The following ZNF804B variants were observed in gnomAD, a reference collection of about 807,000 sequenced individuals.
ZNF804B encodes the protein zinc finger 804B.
Under a neutral mutation model 101.4 loss-of-function variants are expected in ZNF804B, and 80 were observed. That is an observed-to-expected ratio of 0.79 (90% confidence interval 0.66 to 0.95). The LOEUF is 0.95. ZNF804B is among the 40% of genes least tolerant of loss of function. The pLI is 0.00. For missense variants in ZNF804B, 1,673 were observed against 1,561.9 expected, an observed-to-expected ratio of 1.07 and a Z score of -1.20; for synonymous variants, 622 against 558.8, an observed-to-expected ratio of 1.11 and a Z score of -1.59.
intron 1 of ZNF804B, among the ~76,000 whole-genome samples, chr7:89,118,069 T>C (rs1790337898): frequency 6.6e-6 from 1 of 152,150 alleles, no homozygotes; most frequent in Admixed American, 6.6e-5. Context: ...GAACAGCTAA[T>C]CTTAGACCAG....
At chr7:88,908,110 G>C in intron 1 of ZNF804B, among the ~76,000 whole-genome samples, 1 of 151,892 alleles carries the variant, frequency 6.6e-6, no homozygotes, top group East Asian at 1.9e-4. Context: ...AGACGATAAA[G>C]TAATTACAAT....
chr7:89,207,203 C>G (rs891761919), intron 1 of ZNF804B, among the ~76,000 whole-genome samples: 4 of 152,204 alleles, frequency 2.6e-5, no homozygotes, highest in African/African-American at 9.7e-5. Context: ...CTACTAGTAC[C>G]AGTTTACTGT....
At chr7:88,762,850 A>G (rs2115609022) in intron 1 of ZNF804B, among the ~76,000 whole-genome samples, 1 of 152,244 alleles carries the variant, frequency 6.6e-6, no homozygotes, top group Middle Eastern at 3.4e-3. Context: ...GATTTCCAAT[A>G]CTTCAACTTT....
intron 1 of ZNF804B, among the ~76,000 whole-genome samples, chr7:89,063,367 T>C (rs573155891): frequency 6.6e-6 from 1 of 152,276 alleles, no homozygotes; most frequent in South Asian, 2.1e-4. Context: ...GTTTCAAAAA[T>C]GTTCATCTTT....
chr7:89,219,210 T>C (rs1788943766), intron 2 of ZNF804B, among the ~76,000 whole-genome samples: 1 of 152,152 alleles, frequency 6.6e-6, no homozygotes, highest in African/African-American at 2.4e-5. Context: ...AGATTTAGAA[T>C]CCTGGACTAG....
chr7:89,233,853 A>C (rs1199968582), intron 2 of ZNF804B, among the ~76,000 whole-genome samples: 1 of 151,974 alleles, frequency 6.6e-6, no homozygotes. Flanking sequence ...GGTCAGGCTG[A>C]CTTCAGGTGA....
intron 1 of ZNF804B, among the ~76,000 whole-genome samples, chr7:89,002,662 G>T (rs1175941771): frequency 6.6e-6 from 1 of 151,746 alleles, no homozygotes; most frequent in Non-Finnish European, 1.5e-5. Flanking sequence ...AATTTTCACA[G>T]ATTTAAAAGC....
At chr7:88,911,905 T>C (rs1792555851) in intron 1 of ZNF804B, among the ~76,000 whole-genome samples, 1 of 151,910 alleles carries the variant, frequency 6.6e-6, no homozygotes, top group Non-Finnish European at 1.5e-5. Context: ...ATATCTAGTA[T>C]CTTTTAAGTG....
chr7:88,785,581 C>T (rs1156796975), intron 1 of ZNF804B, among the ~76,000 whole-genome samples: 1 of 152,072 alleles, frequency 6.6e-6, no homozygotes, highest in Non-Finnish European at 1.5e-5. Flanking sequence ...AAGATAAGGT[C>T]ATGATACTTC....
At chr7:88,869,323 C>CAGA (rs1334810807) in intron 1 of ZNF804B, among the ~76,000 whole-genome samples, 18 of 152,082 alleles carry the variant, frequency 1.2e-4, no homozygotes, top group African/African-American at 3.6e-4. Context: ...GTATACCTAC[C>CAGA]TTGGGGCCCA....
At chr7:89,080,738 G>A (rs1303109502) in intron 1 of ZNF804B, among the ~76,000 whole-genome samples, 1 of 151,918 alleles carries the variant, frequency 6.6e-6, no homozygotes, top group Non-Finnish European at 1.5e-5. Context: ...CAAGGAATAG[G>A]AGGTGACATC....
At chr7:89,180,554 G>A (rs1412459484) in intron 1 of ZNF804B, among the ~76,000 whole-genome samples, 2 of 151,966 alleles carry the variant, frequency 1.3e-5, no homozygotes, top group Non-Finnish European at 2.9e-5. Flanking sequence ...GGTGTGTCTA[G>A]AAATGTTGTC....
chr7:88,763,685 T>C (rs1489340529), intron 1 of ZNF804B, among the ~76,000 whole-genome samples: 1 of 152,068 alleles, frequency 6.6e-6, no homozygotes, highest in Non-Finnish European at 1.5e-5. Context: ...CTATCTAAAC[T>C]CTAAAATAAT....
At chr7:89,151,727 T>C (rs1321994225) in intron 1 of ZNF804B, among the ~76,000 whole-genome samples, 1 of 151,806 alleles carries the variant, frequency 6.6e-6, no homozygotes, top group Non-Finnish European at 1.5e-5. Flanking sequence ...TTCCTGAAAG[T>C]GAGTGGCACA....
At chr7:89,065,908 A>T (rs1789449101) in intron 1 of ZNF804B, among the ~76,000 whole-genome samples, 1 of 152,128 alleles carries the variant, frequency 6.6e-6, no homozygotes, top group Non-Finnish European at 1.5e-5. Context: ...TCCCATTTCT[A>T]AGTGCTTAAT....
chr7:88,914,806 G>A (rs1391276850), intron 1 of ZNF804B, among the ~76,000 whole-genome samples: 1 of 152,008 alleles, frequency 6.6e-6, no homozygotes, highest in Non-Finnish European at 1.5e-5. Flanking sequence ...TTATTATTTT[G>A]GTTTATAAGT....
intron 2 of ZNF804B, among the ~76,000 whole-genome samples, chr7:89,289,663 A>G (rs1286109533): frequency 6.6e-6 from 1 of 151,370 alleles, no homozygotes; most frequent in Admixed American, 6.6e-5. Context: ...GAGCATTTAG[A>G]CCAGCCCTAC....
chr7:89,261,053 C>T (rs1205627474), intron 2 of ZNF804B, among the ~76,000 whole-genome samples: 1 of 152,102 alleles, frequency 6.6e-6, no homozygotes, highest in Non-Finnish European at 1.5e-5. Context: ...AGTACTGTTA[C>T]AAGGGCATTT....
At chr7:89,085,669 C>G (rs182849952) in intron 1 of ZNF804B, among the ~76,000 whole-genome samples, 1 of 151,826 alleles carries the variant, frequency 6.6e-6, no homozygotes, top group African/African-American at 2.4e-5. Context: ...GATTTTTTGT[C>G]TATGTGCAAA....
Sources: gnomAD v4.1 joint callset for allele counts (sites outside exome capture counted in the v4.1 genomes callset) on GRCh38, gnomAD v4.1.1 for gene constraint, MANE v1.5 for transcripts, NCBI Gene and HGNC (gene_info 2026-07-23, HGNC 2026-07-21) for gene names.